Variants in ALDH9A1 observed in about 807,000 individuals in gnomAD.
ALDH9A1 encodes the protein aldehyde dehydrogenase 9 family member A1, also known as 4-trimethylaminobutyraldehyde dehydrogenase.
ALDH9A1 carries 42 observed loss-of-function variants against 56.6 expected under a neutral mutation model. The ratio of observed to expected loss-of-function variants is 0.74; its 90% CI spans 0.58 to 0.96. ALDH9A1 has a LOEUF of 0.96. ALDH9A1 is among the 40% of genes least tolerant of loss of function. The pLI, the probability that ALDH9A1 is intolerant of heterozygous loss-of-function variation, is 0.00. For synonymous variants in ALDH9A1, 242 were observed against 236.0 expected, an observed-to-expected ratio of 1.03 and a Z score of -0.23; for missense variants, 661 against 651.5, an observed-to-expected ratio of 1.01 and a Z score of -0.16.
intron 2 of ALDH9A1, among the ~76,000 whole-genome samples, chr1:165,683,372 A>C (rs1301903046): frequency 6.6e-6 from 1 of 152,200 alleles, no homozygotes; most frequent in Non-Finnish European, 1.5e-5. Context: ...AAGGGGCAAG[A>C]CCGGGCAGGA....
intron 6 of ALDH9A1, among the ~76,000 whole-genome samples, chr1:165,672,132 A>G (rs1318344659): frequency 6.6e-6 from 1 of 152,204 alleles, no homozygotes; most frequent in Non-Finnish European, 1.5e-5. Flanking sequence ...AAAAGAACTG[A>G]AAGCAGATAC....
In ALDH9A1 at chr1:165,682,023, G is replaced by C. The variant is rs73014541; in HGVS notation, c.592+84C>G. 12 of 1,535,288 alleles carry C rather than the reference G, an allele frequency of 7.8e-6. No homozygotes were observed. The African/African-American group carries it at 1.2e-4, about 16-fold the overall frequency. ...TTCCGATTTAAAGTGTGTGTTTATA[G>C]AGAGGTGAAAGGTAGAGAATGGGGA... On this transcript the variant is annotated intron_variant, in intron 4 of 10. Transcript: ENST00000354775.
chr1:165,676,626 C>T (rs573588652), intron 6 of ALDH9A1: 2 of 333,138 alleles, frequency 6.0e-6, no homozygotes, highest in Admixed American at 4.0e-5. Flanking sequence ...TTCTGAAATG[C>T]ATGAAAGAAG....
chr1:165,686,827 G>GC (rs1649724298), intron 2 of ALDH9A1, among the ~76,000 whole-genome samples: 1 of 151,990 alleles, frequency 6.6e-6, no homozygotes, highest in African/African-American at 2.4e-5. Context: ...AAACTACCAG[G>GC]CATGCAAAAA....
Position 165,669,450 on chromosome 1 carries a change from C to A in ALDH9A1, c.931G>T (p.Val311Phe), listed in dbSNP as rs756878879. ...LMANFLTQGQ[V>F]CCNGTRVFVQ... ...AATACTCTTGTGCCATTACAGCAAACCTAAAGGACAAACACAAGACATCAA... is the reference window on the plus strand; with the variant it reads ...AATACTCTTGTGCCATTACAGCAAAACTAAAGGACAAACACAAGACATCAA... Residue 311 changes from valine (V) to phenylalanine (F), a missense_variant and splice_region_variant, in exon 7 of 11, where the codon GTT becomes TTT. Val to Phe is a conservative substitution (Grantham distance 50). Coordinates refer to ENST00000354775, the MANE Select transcript of ALDH9A1 (RefSeq NM_000696.4). 1.8e-5 allele frequency: 29 copies of A among 1,604,390 alleles called. No homozygotes were observed. The Middle Eastern group carries it at 5.1e-4, about 28-fold the overall frequency.
intron 2 of ALDH9A1, among the ~76,000 whole-genome samples, chr1:165,684,076 T>TAC (rs1649636228): frequency 1.3e-5 from 2 of 152,098 alleles, no homozygotes; most frequent in South Asian, 4.1e-4. Context: ...CTATCCACAG[T>TAC]ACAAAGCTCA....
At position 165,663,060 on chromosome 1, in the gene ALDH9A1, G is replaced by T. The variant is rs745705817; in HGVS notation, c.1547C>A (p.Ser516Tyr). Residue 516 changes from serine to tyrosine, a missense_variant, in exon 11 of 11, where the codon TCT becomes TAT. Coordinates refer to ENST00000354775, the MANE Select transcript of ALDH9A1 (RefSeq NM_000696.4). The part of the protein sequence containing the change: ...TVCVEMGDVE[S>Y]AF ...TTTCACTGCAGGTTTTCAAAAAGCAGATTCCACATCACCCATCTCCACACA... is the reference window on the plus strand; with the variant it reads ...TTTCACTGCAGGTTTTCAAAAAGCATATTCCACATCACCCATCTCCACACA... 1 of 1,613,950 alleles carries T rather than the reference G, an allele frequency of 6.2e-7. No individual in the cohort carries two copies. Among genetic ancestry groups the T allele is most frequent in the South Asian group, 1.1e-5 (1 of 91,080 alleles).
chr1:165,666,272 T>C (rs1327911987), intron 9 of ALDH9A1, among the ~76,000 whole-genome samples: 1 of 152,124 alleles, frequency 6.6e-6, no homozygotes, highest in Non-Finnish European at 1.5e-5. Flanking sequence ...AGAGCAACAG[T>C]TAATGGGCAC....
At chr1:165,678,040 AAAAAT>A (rs1456502804) in intron 6 of ALDH9A1, among the ~76,000 whole-genome samples, 2 of 151,618 alleles carry the variant, frequency 1.3e-5, no homozygotes, top group Non-Finnish European at 2.9e-5. Context: ...GTCTCAATAA[AAAAAT>A]AAAATAAAGG....
intron 6 of ALDH9A1, among the ~76,000 whole-genome samples, chr1:165,674,315 TAAAAA>T (rs56088658): frequency 5.2e-5 from 3 of 58,056 alleles, no homozygotes; most frequent in Non-Finnish European, 9.6e-5. Context: ...TTCCTTTCAC[TAAAAA>T]AAAAAAAAAA....
At position 165,680,487 on chromosome 1, in the gene ALDH9A1, CT is replaced by C; in HGVS notation, c.788del (p.Lys263ArgfsTer31). 1.2e-6 allele frequency: 2 copies of C among 1,613,940 alleles called. No individual in the cohort carries two copies. The highest frequency in any genetic ancestry group is 1.7e-6 in the Non-Finnish European group (2 of 1,179,972). On this transcript the variant is annotated frameshift_variant and splice_region_variant, in exon 5 of 11. Coordinates refer to ENST00000354775, the MANE Select transcript of ALDH9A1 (RefSeq NM_000696.4). LOFTEE classifies it high-confidence loss of function. ...TGACCAATACTGGTTTTGTCCTCACCTTCATGCCAGTGGGCACACTTCCAGT... is the reference window on the plus strand; with the variant it reads ...TGACCAATACTGGTTTTGTCCTCACCTCATGCCAGTGGGCACACTTCCAGT... ...SFTGSVPTGM[K>X]IMEMSAKGIK... is the part of the protein sequence containing the mutation.
rs147616042 is a variant in ALDH9A1, at chr1:165,695,968, C to T, written c.182-571G>A. 7.4e-3 allele frequency among the ~76,000 whole-genome samples: 1,131 copies of T among 152,270 alleles called. 16 individuals carry two copies. Among genetic ancestry groups the T allele is most frequent in the South Asian group, 0.041 (196 of 4,826 alleles). ...CTGGGTTCCAGCAATTCTCCTGCCT[C>T]AGCCTCCCGAGTAGCTGGGATTACA... is the stretch of plus-strand genomic sequence containing the variant. On this transcript the variant is annotated intron_variant, in intron 1 of 10. Coordinates refer to ENST00000354775, the MANE Select transcript of ALDH9A1 (RefSeq NM_000696.4).
Position 165,662,821 on chromosome 1 carries a change from T to C in ALDH9A1, c.*229A>G. 2.0e-6 allele frequency: 1 copy of C among 509,712 alleles called. No homozygotes were observed. The highest frequency in any genetic ancestry group is 3.5e-6 in the Non-Finnish European group (1 of 283,230). The allele number at this position is 509,712 out of a possible 1,614,324, so 31.6% of individuals were successfully genotyped here. ...TGGCTCTTAAAAGATTTCACAAAAA[T>C]ACGCTTTGAGGAGAATCACAGCTTT... On this transcript the variant is annotated 3_prime_UTR_variant, in exon 11 of 11. Coordinates refer to ENST00000354775, the MANE Select transcript of ALDH9A1 (RefSeq NM_000696.4).
chr1:165,669,147 T>G lies in ALDH9A1; in HGVS notation c.1119+115A>C. On this transcript the variant is annotated intron_variant, in intron 7 of 10. Transcript: ENST00000354775. ...CAAAGCAGAACACAGCCAGGGATGC[T>G]AATAGTCCAATGAATAATAGTCATA... 3.8e-6 allele frequency: 5 copies of G among 1,325,636 alleles called. No individual in the cohort carries two copies. In the Middle Eastern group the frequency reaches 9.5e-4, roughly 252 times the overall value. 82.1% of individuals were successfully genotyped at this position (1,325,636 alleles called of 1,614,324 possible). A position where few individuals can be genotyped will look rare whatever the true frequency, so the allele number is the denominator to read the frequency against.
chr1:165,668,630 A>G (rs1218639480), intron 8 of ALDH9A1: 1 of 231,558 alleles, frequency 4.3e-6, no homozygotes, highest in Non-Finnish European at 8.3e-6. Flanking sequence ...TATTTTCTCA[A>G]GGAATTAAAT....
intron 10 of ALDH9A1, among the ~76,000 whole-genome samples, chr1:165,663,920 C>T (rs751237955): frequency 3.9e-5 from 6 of 152,374 alleles, no homozygotes; most frequent in South Asian, 2.1e-4. Flanking sequence ...CCATCTTTCT[C>T]GCTCTCTCAT....
chr1:165,677,188 C>T (rs1649390652), intron 6 of ALDH9A1, among the ~76,000 whole-genome samples: 1 of 151,714 alleles, frequency 6.6e-6, no homozygotes, highest in African/African-American at 2.4e-5. Flanking sequence ...GCCTGGCCAA[C>T]ACAGTGAAAC....
intron 6 of ALDH9A1, among the ~76,000 whole-genome samples, chr1:165,675,168 T>G (rs1033225796): frequency 6.6e-6 from 1 of 152,036 alleles, no homozygotes; most frequent in Admixed American, 6.6e-5. Flanking sequence ...GCACTCCAAC[T>G]TGGGCTACAG....
chr1:165,664,968 C>A, intron 10 of ALDH9A1, 50 bp downstream of exon 10: 1 of 1,409,104 alleles, frequency 7.1e-7, no homozygotes, highest in East Asian at 2.3e-5. Flanking sequence ...GTCTGAATTA[C>A]GACCTAGCTC....
Sources: allele counts gnomAD v4.1 joint callset (sites outside exome capture counted in the v4.1 genomes callset), GRCh38; gene constraint gnomAD v4.1.1; transcripts MANE v1.5; gene names NCBI Gene and HGNC (gene_info 2026-07-23, HGNC 2026-07-21).